Variants in STPG2 observed in about 807,000 individuals in gnomAD.
STPG2 encodes sperm tail PG-rich repeat containing 2.
In STPG2, 56 loss-of-function variants were observed where a neutral mutation model predicts 54.2. That is an observed-to-expected ratio of 1.03 (90% CI 0.83 to 1.29). The LOEUF is 1.29. Ranked by LOEUF, STPG2 falls within the 50% of genes most tolerant of loss-of-function variation. The pLI is 0.00. For missense variants in STPG2, 596 were observed against 544.9 expected, an observed-to-expected ratio of 1.09 and a Z score of -0.93; for synonymous variants, 200 against 181.8, an observed-to-expected ratio of 1.10 and a Z score of -0.81.
intron 5 of STPG2, among the ~76,000 whole-genome samples, chr4:97,991,447 GTGTGTGTGTGTGTATATA>G (rs1437692031): frequency 1.1e-3 from 151 of 142,878 alleles, no homozygotes; most frequent in South Asian, 2.6e-3. Flanking sequence ...GTGTGTGTGT[GTGTGTGTGTGTGTATATA>G]TATATATGTA....
intron 7 of STPG2, among the ~76,000 whole-genome samples, chr4:97,958,830 A>G (rs147372738): frequency 2.8e-4 from 43 of 152,344 alleles, no homozygotes; most frequent in African/African-American, 9.9e-4. Flanking sequence ...CAGAAAGTCA[A>G]CAAAGAAACA....
intron 4 of STPG2, among the ~76,000 whole-genome samples, chr4:97,497,440 C>T (rs1730634557): frequency 6.6e-6 from 1 of 151,894 alleles, no homozygotes. Context: ...CTTTTCTCCC[C>T]ATTGTGTTTT....
intron 4 of STPG2, among the ~76,000 whole-genome samples, chr4:97,503,750 T>C (rs6845428): frequency 0.081 from 11,990 of 148,786 alleles, 699 homozygotes; most frequent in African/African-American, 0.16. Context: ...CCTGAGTTTA[T>C]GGAATATTTA....
intron 8 of STPG2, among the ~76,000 whole-genome samples, chr4:97,867,042 G>A (rs1729812747): frequency 6.6e-6 from 1 of 151,942 alleles, no homozygotes; most frequent in Admixed American, 6.6e-5. Context: ...CAGTTCCCAT[G>A]CTAGCCCAGA....
At chr4:97,979,735 T>C (rs1022898698) in intron 6 of STPG2, among the ~76,000 whole-genome samples, 13 of 151,664 alleles carry the variant, frequency 8.6e-5, no homozygotes, top group African/African-American at 3.2e-4. Flanking sequence ...TTTCTTTTTT[T>C]TTTTTTTTGA....
At chr4:98,119,392 A>G (rs1261482866) in intron 3 of STPG2, among the ~76,000 whole-genome samples, 1 of 152,160 alleles carries the variant, frequency 6.6e-6, no homozygotes, top group Non-Finnish European at 1.5e-5. Context: ...AAAAAAGTAA[A>G]GATTAAAGAA....
chr4:97,908,395 G>A (rs1245714071), intron 8 of STPG2, among the ~76,000 whole-genome samples: 1 of 149,868 alleles, frequency 6.7e-6, no homozygotes, highest in Non-Finnish European at 1.5e-5. Flanking sequence ...GGAGAAATAG[G>A]AACACTTTTA....
At chr4:97,645,057 T>A (rs566874208) in intron 10 of STPG2, among the ~76,000 whole-genome samples, 1 of 152,120 alleles carries the variant, frequency 6.6e-6, no homozygotes, top group Non-Finnish European at 1.5e-5. Context: ...AAACGTACAA[T>A]TATGAAATTT....
intron 8 of STPG2, among the ~76,000 whole-genome samples, chr4:97,867,893 C>A (rs921550552): frequency 9.2e-5 from 14 of 152,000 alleles, no homozygotes; most frequent in African/African-American, 3.4e-4. Context: ...AACATTATCA[C>A]ATGGATACAC....
intron 10 of STPG2, among the ~76,000 whole-genome samples, chr4:97,590,210 T>C (rs764381537): frequency 6.6e-6 from 1 of 152,112 alleles, no homozygotes; most frequent in Admixed American, 6.6e-5. Flanking sequence ...CACTGTTCCA[T>C]GGAGGGCAGG....
At chr4:97,619,600 C>T (rs184674021) in intron 10 of STPG2, among the ~76,000 whole-genome samples, 54 of 149,642 alleles carry the variant, frequency 3.6e-4, no homozygotes, top group East Asian at 2.8e-3. Context: ...AACAATTGTA[C>T]CCTGTTATCT....
intron 8 of STPG2, among the ~76,000 whole-genome samples, chr4:97,911,885 G>A (rs1046780541): frequency 1.3e-5 from 2 of 151,974 alleles, no homozygotes; most frequent in African/African-American, 4.8e-5. Context: ...CTTCCCGACT[G>A]GGTGACCTCC....
At chr4:97,509,301 C>A (rs1435436131) in intron 4 of STPG2, among the ~76,000 whole-genome samples, 1 of 151,910 alleles carries the variant, frequency 6.6e-6, no homozygotes, top group African/African-American at 2.4e-5. Flanking sequence ...TATAATACAG[C>A]AAGTTTCCAT....
At chr4:97,706,375 G>A (rs929154974) in intron 10 of STPG2, among the ~76,000 whole-genome samples, 2 of 152,152 alleles carry the variant, frequency 1.3e-5, no homozygotes, top group Non-Finnish European at 2.9e-5. Flanking sequence ...TAGGTCCTGA[G>A]GTAGAGCCCT....
At chr4:97,886,242 T>G (rs555295189) in intron 8 of STPG2, among the ~76,000 whole-genome samples, 1 of 152,046 alleles carries the variant, frequency 6.6e-6, no homozygotes, top group Non-Finnish European at 1.5e-5. Flanking sequence ...AAAAAAATAA[T>G]TTAGGCATCG....
intron 9 of STPG2, among the ~76,000 whole-genome samples, chr4:97,796,783 A>G (rs902860755): frequency 6.6e-6 from 1 of 152,172 alleles, no homozygotes; most frequent in African/African-American, 2.4e-5. Flanking sequence ...TCTGTAAATT[A>G]CTTTGGGCAG....
chr4:97,971,396 C>T (rs1734319885), intron 7 of STPG2, among the ~76,000 whole-genome samples: 1 of 152,120 alleles, frequency 6.6e-6, no homozygotes, highest in African/African-American at 2.4e-5. Context: ...AGACTTGGAA[C>T]CAATCCAAAT....
intron 8 of STPG2, among the ~76,000 whole-genome samples, chr4:97,900,400 A>G (rs182912859): frequency 3.9e-5 from 6 of 152,268 alleles, no homozygotes; most frequent in Non-Finnish European, 8.8e-5. Flanking sequence ...TTACCATTCA[A>G]CGCAGCAATC....
intron 3 of STPG2, among the ~76,000 whole-genome samples, chr4:98,119,040 G>A (rs2865951): frequency 0.39 from 59,414 of 151,848 alleles, 11,851 homozygotes; most frequent in Middle Eastern, 0.46. Context: ...TAAGCATCAT[G>A]GTAAAACTGG....
Sources: allele counts gnomAD v4.1 joint callset (sites outside exome capture counted in the v4.1 genomes callset), GRCh38; gene constraint gnomAD v4.1.1; transcripts MANE v1.5; gene names NCBI Gene and HGNC (gene_info 2026-07-23, HGNC 2026-07-21).